AXIN1: variants seen among roughly 807,000 people sequenced by gnomAD.
AXIN1 encodes the protein axin-1.
Under a neutral mutation model 76.4 loss-of-function variants are expected in AXIN1, and 30 were observed. That is an observed-to-expected ratio of 0.39 (90% confidence interval 0.29 to 0.53). The LOEUF (loss-of-function observed/expected upper bound fraction) is 0.53, where lower values mean the gene tolerates loss of function less well. AXIN1 is among the 20% of genes least tolerant of loss of function. The probability of loss-of-function intolerance (pLI) is 0.66; values close to 1 mark genes in which losing one functional copy is unlikely to be tolerated. For missense variants in AXIN1, 1,140 were observed against 1,198.8 expected (o/e 0.95, Z 0.72); for synonymous variants, 545 against 501.4 (o/e 1.09, Z -1.16).
chr16:343,821 C>T (rs140718088), intron 2 of AXIN1, among the ~76,000 whole-genome samples: 8,171 of 151,646 alleles, frequency 0.054, 579 homozygotes, highest in African/African-American at 0.16. Context: ...TCCTGGCCAA[C>T]GTGGCGAAAC....
intron 2 of AXIN1, among the ~76,000 whole-genome samples, chr16:340,462 A>G (rs2053894565): frequency 6.6e-6 from 1 of 152,252 alleles, no homozygotes; most frequent in African/African-American, 2.4e-5. Context: ...TGGCAGGGGC[A>G]TGCAAGGCCA....
rs958635425 is a variant in AXIN1, at chr16:291,219, G to A, written c.2265C>T (p.Ala755=). ...ACAPVLHVVP[A]VSDMELSETE... ...TCTCGGAGAGCTCCATGTCCGACAC[G>A]GCTGGTACCACGTGCAGCACCGGCG... The change falls in exon 9 of 11, where the codon GCC becomes GCT. Residue 755 remains alanine, a synonymous_variant. Coordinates refer to ENST00000262320, the MANE Select transcript of AXIN1 (RefSeq NM_003502.4). 13 of 1,588,958 alleles carry A rather than the reference G, an allele frequency of 8.2e-6. No individual in the cohort carries two copies. The highest frequency in any genetic ancestry group is 8.0e-5 in the South Asian group (7 of 87,746).
At chr16:349,270 G>A (rs2141718044) in intron 1 of AXIN1, among the ~76,000 whole-genome samples, 1 of 152,238 alleles carries the variant, frequency 6.6e-6, no homozygotes, top group East Asian at 1.9e-4. Context: ...GGAACACACA[G>A]CTTCTAAAGG....
Position 352,038 on chromosome 16 carries a change from G to C in AXIN1, c.-82+331C>G, listed in dbSNP as rs879738766. On this transcript the variant is annotated intron_variant, in intron 1 of 10. Transcript: ENST00000262320. The stretch of plus-strand genomic sequence containing the variant: ...CGGACCCGGCACGCGGCCTCGGCGA[G>C]GGCGGGCGGGAGTGTCCTCCTCCGG... 2.1e-3 allele frequency among the ~76,000 whole-genome samples: 327 copies of C among 152,152 alleles called. 2 individuals carry two copies. The highest frequency in any genetic ancestry group is 6.8e-3 in the Middle Eastern group (2 of 292).
intron 2 of AXIN1, among the ~76,000 whole-genome samples, chr16:330,674 T>C (rs1379373377): frequency 6.6e-6 from 1 of 152,208 alleles, no homozygotes; most frequent in Non-Finnish European, 1.5e-5. Context: ...TTCACAAGGA[T>C]CTGATGAGAA....
intron 2 of AXIN1, among the ~76,000 whole-genome samples, chr16:328,992 T>C (rs2053636195): frequency 1.3e-5 from 2 of 151,902 alleles, no homozygotes; most frequent in Non-Finnish European, 2.9e-5. Flanking sequence ...AAAATGATAG[T>C]GGGCTGGGCA....
At chr16:288,374 ACTGCATGTGCGCCCC>A in intron 10 of AXIN1, 126 bp from the exon 11 acceptor site, 2 of 1,402,106 alleles carry the variant, frequency 1.4e-6, no homozygotes, top group Admixed American at 1.8e-5. Flanking sequence ...CACGGCCCCC[ACTGCATGTGCGCCCC>A]CTCCCAGGGC....
chr16:313,384 T>C (rs12930863), intron 3 of AXIN1, among the ~76,000 whole-genome samples: 31,268 of 152,238 alleles, frequency 0.21, 3,578 homozygotes, highest in African/African-American at 0.31. Context: ...GAATCACCAG[T>C]AGGTGAGAAG....
At chr16:326,390 T>C (rs1416258709) in intron 2 of AXIN1, among the ~76,000 whole-genome samples, 9 of 108,904 alleles carry the variant, frequency 8.3e-5, no homozygotes, top group Admixed American at 5.3e-4. Context: ...TATATATATA[T>C]ATATACACAC....
intron 2 of AXIN1, among the ~76,000 whole-genome samples, chr16:322,180 T>C (rs2053474038): frequency 6.6e-6 from 1 of 152,160 alleles, no homozygotes; most frequent in Non-Finnish European, 1.5e-5. Context: ...GGCTGGGTGC[T>C]TCTCCCAGGC....
intron 2 of AXIN1, among the ~76,000 whole-genome samples, chr16:345,541 C>G (rs2054016775): frequency 6.6e-6 from 1 of 152,152 alleles, no homozygotes; most frequent in South Asian, 2.1e-4. Flanking sequence ...ATGGAGAAAC[C>G]CCACCTCTAC....
chr16:314,504 G>A (rs1164284205), intron 3 of AXIN1, 39 bp downstream of exon 3: 2 of 1,612,032 alleles, frequency 1.2e-6, no homozygotes, highest in South Asian at 2.2e-5. Flanking sequence ...CTTACACACT[G>A]CTGTCCGTGA....
At chr16:306,430 CCT>C (rs72404909) in intron 4 of AXIN1, among the ~76,000 whole-genome samples, 216 of 152,332 alleles carry the variant, frequency 1.4e-3, no homozygotes, top group African/African-American at 5.0e-3. Flanking sequence ...GGACAGCTCC[CCT>C]GTGACAAGCA....
At chr16:294,942 C>T (rs1280593624) in intron 7 of AXIN1, among the ~76,000 whole-genome samples, 14 of 149,248 alleles carry the variant, frequency 9.4e-5, no homozygotes, top group Admixed American at 1.3e-4. Context: ...CGGGCGCCTG[C>T]AGTCCCAGCT....
In AXIN1 at chr16:346,206, C is replaced by G. The variant is rs1431368218; in HGVS notation, c.820G>C (p.Glu274Gln). 6.2e-7 allele frequency: 1 copy of G among 1,613,930 alleles called. No individual in the cohort carries two copies. The highest frequency in any genetic ancestry group is 1.3e-5 in the African/African-American group (1 of 74,930). The change falls in exon 2 of 11, where the codon GAG becomes CAG. Residue 274 changes from glutamate (E) to glutamine (Q), a missense_variant. Glu to Gln is a conservative substitution (Grantham distance 29). This residue lies in a region of AXIN1 where 708 missense variants were observed against 776.9 expected (regional missense o/e 0.91). Coordinates refer to ENST00000262320, the MANE Select transcript of AXIN1 (RefSeq NM_003502.4). ...GAGGAGACCCTCGGGGCAGCTGTCT[C>G]CAGGAGCAGCTTCTGAGGGAGTCTT... Reference protein sequence around the residue: ...PGRLPQKLLLETAAPRVSSSR... With the variant: ...PGRLPQKLLLQTAAPRVSSSR...
intron 2 of AXIN1, among the ~76,000 whole-genome samples, chr16:317,877 AG>A (rs540033237): frequency 8.5e-5 from 13 of 152,380 alleles, no homozygotes; most frequent in African/African-American, 3.1e-4. Flanking sequence ...ATTACTATGA[AG>A]GAACACTGAA....
In AXIN1 at chr16:293,697, T is replaced by C; in HGVS notation, c.1977A>G (p.Pro659=). ...TGHGSSGTRK[P]QPHENSRPLS... ...AGGGTCTGGAGTTCTCATGGGGCTG[T>C]GGCTTCCTCGTCCCCGAAGACCTTG... The change falls in exon 8 of 11, where the codon CCA becomes CCG. Residue 659 remains proline, a synonymous_variant. Coordinates refer to ENST00000262320, the MANE Select transcript of AXIN1 (RefSeq NM_003502.4). The surrounding 1 kb of genome is among the most constrained non-coding windows in gnomAD (Gnocchi z 4.6). 3 of 1,613,610 alleles carry C rather than the reference T, an allele frequency of 1.9e-6. No homozygotes were observed. The highest frequency in any genetic ancestry group is 2.5e-6 in the Non-Finnish European group (3 of 1,180,008).
intron 4 of AXIN1, among the ~76,000 whole-genome samples, chr16:305,685 A>T (rs1168397113): frequency 2.0e-5 from 3 of 152,042 alleles, no homozygotes; most frequent in African/African-American, 7.2e-5. Flanking sequence ...CTGGGACTAC[A>T]GGCGCCTGCC....
At chr16:337,212 T>G (rs546344720) in intron 2 of AXIN1, among the ~76,000 whole-genome samples, 1 of 129,528 alleles carries the variant, frequency 7.7e-6, no homozygotes, top group African/African-American at 2.9e-5. Context: ...AAAGAAAAAA[T>G]GTGCTTTTGA....
Sources: allele counts gnomAD v4.1 joint callset (sites outside exome capture counted in the v4.1 genomes callset), GRCh38; gene constraint gnomAD v4.1.1; regional missense constraint gnomAD v4.1.1; non-coding constraint Gnocchi (gnomAD v3.1); transcripts MANE v1.5; gene names NCBI Gene and HGNC (gene_info 2026-07-23, HGNC 2026-07-21).